FASTKD1: variants seen among roughly 807,000 people sequenced by gnomAD.
The protein encoded by FASTKD1 is FAST kinase domains 1.
A neutral mutation model predicts 90.9 loss-of-function variants in FASTKD1; 94 were observed. That is an observed-to-expected ratio of 1.03 (90% CI 0.88 to 1.23). The LOEUF is 1.23. Among genes scored for constraint, FASTKD1 ranks in the 50% most tolerant of loss-of-function variants. The pLI is 0.00. For synonymous variants in FASTKD1, 319 were observed against 345.8 expected, an observed-to-expected ratio of 0.92 and a Z score of 0.86; for missense variants, 945 against 993.5, an observed-to-expected ratio of 0.95 and a Z score of 0.66.
At chr2:169,534,443 TTC>T (rs1325550229) in intron 12 of FASTKD1, among the ~76,000 whole-genome samples, 1 of 150,108 alleles carries the variant, frequency 6.7e-6, no homozygotes, top group Non-Finnish European at 1.5e-5. Context: ...AAAAATAAAT[TTC>T]TGTTGTTTTT....
intron 1 of FASTKD1, among the ~76,000 whole-genome samples, chr2:169,572,706 G>A (rs937683043): frequency 2.6e-5 from 4 of 151,642 alleles, no homozygotes; most frequent in African/African-American, 7.3e-5. Context: ...AATCATTACT[G>A]GCCTTGGATA....
chr2:169,541,813 C>G (rs1684969978), intron 9 of FASTKD1, among the ~76,000 whole-genome samples: 1 of 152,078 alleles, frequency 6.6e-6, no homozygotes, highest in African/African-American at 2.4e-5. Flanking sequence ...CTGAGGAAAC[C>G]AGTCTCTGGC....
chr2:169,562,572 T>TTCATGATATAATAATAA (rs1683753107), intron 4 of FASTKD1, among the ~76,000 whole-genome samples: 1 of 152,130 alleles, frequency 6.6e-6, no homozygotes, highest in Non-Finnish European at 1.5e-5. Flanking sequence ...TTGGGTTTAC[T>TTCATGATATAATAATAA]TCATGATATA....
chr2:169,536,571 C>G (rs1253229337), intron 12 of FASTKD1, among the ~76,000 whole-genome samples: 1 of 152,104 alleles, frequency 6.6e-6, no homozygotes, highest in Non-Finnish European at 1.5e-5. Flanking sequence ...CCTGTATATG[C>G]AGAGGTTTTC....
At chr2:169,532,192 G>A (rs753667320) in intron 12 of FASTKD1, among the ~76,000 whole-genome samples, 19 of 152,152 alleles carry the variant, frequency 1.2e-4, no homozygotes, top group Non-Finnish European at 2.5e-4. Flanking sequence ...GGCCGAGGCA[G>A]GCAGATTGCT....
chr2:169,555,756 T>A (rs971054535), intron 6 of FASTKD1, among the ~76,000 whole-genome samples: 1 of 152,200 alleles, frequency 6.6e-6, no homozygotes, highest in Non-Finnish European at 1.5e-5. Flanking sequence ...AAATTAGGCA[T>A]GTACAATTAA....
chr2:169,529,954 A>T, intron 14 of FASTKD1, 28 bp from the exon 15 acceptor site: 1 of 1,492,814 alleles, frequency 6.7e-7, no homozygotes, highest in African/African-American at 1.4e-5. Flanking sequence ...TGTTTGAATG[A>T]AAGTTTTAAA....
chr2:169,570,560 A>G (rs1228516106), intron 2 of FASTKD1, among the ~76,000 whole-genome samples: 1 of 152,020 alleles, frequency 6.6e-6, no homozygotes, highest in East Asian at 1.9e-4. Context: ...GAAACAACCT[A>G]TTGTACCAAT....
chr2:169,538,343 G>A (rs1184765575), intron 10 of FASTKD1, among the ~76,000 whole-genome samples: 1 of 152,036 alleles, frequency 6.6e-6, no homozygotes, highest in African/African-American at 2.4e-5. Flanking sequence ...ACCAACTCCT[G>A]CACTGTTCTC....
intron 3 of FASTKD1, among the ~76,000 whole-genome samples, chr2:169,568,279 T>G (rs778930613): frequency 1.3e-5 from 2 of 152,108 alleles, no homozygotes; most frequent in African/African-American, 4.8e-5. Flanking sequence ...TCTTTTTTTC[T>G]CCTTTCCTGG....
In FASTKD1 at chr2:169,560,337, G is replaced by A. The variant is rs779349346; in HGVS notation, c.971+50C>T. 3 of 1,439,686 alleles carry A rather than the reference G, an allele frequency of 2.1e-6. No individual in the cohort carries two copies. The African/African-American group carries it at 4.3e-5, about 21-fold the overall frequency. 89.2% of individuals were successfully genotyped at this position (1,439,686 alleles called of 1,614,324 possible). A position where few individuals can be genotyped will look rare whatever the true frequency, so the allele number is the denominator to read the frequency against. ...GCTGCAAGGAGACCTAAGCTTGAAG[G>A]CTCCACGTATTCACAACAAAAAAAG... On this transcript the variant is annotated intron_variant, in intron 5 of 14. Transcript: ENST00000453153.
intron 4 of FASTKD1, 56 bp from the exon 5 acceptor site, chr2:169,560,841 T>C (rs75861637): frequency 2.2e-6 from 1 of 454,572 alleles, no homozygotes; most frequent in Non-Finnish European, 3.0e-6. Context: ...GATCAATTCT[T>C]TTTTTTTTTT....
rs138801643 is a variant in FASTKD1 at position 169,535,405 on chromosome 2, C to T, written c.2188+1822G>A. Among the ~76,000 whole-genome samples, 1,346 of 151,998 alleles carry T rather than the reference C, an allele frequency of 8.9e-3. 13 individuals carry two copies. Among genetic ancestry groups the T allele is most frequent in the Middle Eastern group, 0.041 (12 of 294 alleles). Reference sequence around the variant, plus strand: ...CCCAGGCTGGTCTCAAACTCCTGAGCAATGGGACTAGAGGGGCATACCACC... The same window carrying T: ...CCCAGGCTGGTCTCAAACTCCTGAGTAATGGGACTAGAGGGGCATACCACC... On this transcript the variant is annotated intron_variant, in intron 12 of 14. Transcript: ENST00000453153.
At chr2:169,531,585 G>A in intron 12 of FASTKD1, 95 bp from the exon 13 acceptor site, 1 of 923,144 alleles carries the variant, frequency 1.1e-6, no homozygotes, top group Non-Finnish European at 1.6e-6. Flanking sequence ...TATAATATTT[G>A]TACACACACA....
At position 169,562,048 on chromosome 2, in the gene FASTKD1, T is replaced by C. The variant is rs1169239305; in HGVS notation, c.572+1177A>G. The stretch of plus-strand genomic sequence containing the variant: ...AATTATTTATTAATTTATTGTAAAT[T>C]AATTATTTATTAATTTATTGTAAAA... On this transcript the variant is annotated intron_variant, in intron 4 of 14. Coordinates refer to ENST00000453153, the MANE Select transcript of FASTKD1 (RefSeq NM_024622.6). Among the ~76,000 whole-genome samples, 2 of 113,416 alleles carry C rather than the reference T, an allele frequency of 1.8e-5. 1 individual carries two copies. Among genetic ancestry groups the C allele is most frequent in the African/African-American group, 6.4e-5 (2 of 31,176 alleles). The allele number at this position is 113,416 out of a possible 152,430, so 74.4% of individuals were successfully genotyped here.
At chr2:169,538,934 T>C (rs536546410) in intron 10 of FASTKD1, among the ~76,000 whole-genome samples, 5 of 152,234 alleles carry the variant, frequency 3.3e-5, no homozygotes, top group African/African-American at 1.2e-4. Flanking sequence ...AAAGGCAGCA[T>C]ATAAAAGTGA....
chr2:169,529,851 A>G lies in FASTKD1; in HGVS notation c.2518T>C (p.Phe840Leu). Residue 840 changes from phenylalanine (F) to leucine (L), a missense_variant, in exon 15 of 15, where the codon TTT becomes CTT. Coordinates refer to ENST00000453153, the MANE Select transcript of FASTKD1 (RefSeq NM_024622.6). ...TACAAACATGACTTGACTTCTCCAA[A>G]TATACATTCTCTCAGGTAGTCCATC... ...ARMDYLRECI[F>L]GEVKSCL 6.2e-7 allele frequency: 1 copy of G among 1,612,720 alleles called. No individual in the cohort carries two copies. The highest frequency in any genetic ancestry group is 8.5e-7 in the Non-Finnish European group (1 of 1,179,228).
chr2:169,533,016 T>G (rs1441879340), intron 12 of FASTKD1, among the ~76,000 whole-genome samples: 1 of 152,084 alleles, frequency 6.6e-6, no homozygotes, highest in Non-Finnish European at 1.5e-5. Context: ...TTATCTAAAA[T>G]TTCCCATATC....
rs1291054211 is a variant in FASTKD1 at position 169,560,629 on chromosome 2, A to G, written c.729T>C (p.Tyr243=). The change falls in exon 5 of 15, where the codon TAT becomes TAC. Residue 243 remains tyrosine, a synonymous_variant. Transcript: ENST00000453153. ...ATCTTTCTAATAGTGGTTGATAACG[A>G]TATCTAACATTTCGAAGAAACTTTG... ...SIAKFLRNVR[Y]RYQPLLERCN... 4 of 1,612,842 alleles carry G rather than the reference A, an allele frequency of 2.5e-6. No individual in the cohort carries two copies. The African/African-American group carries it at 4.0e-5, about 16-fold the overall frequency.
Sources: gnomAD v4.1 joint callset for allele counts (sites outside exome capture counted in the v4.1 genomes callset) on GRCh38, gnomAD v4.1.1 for gene constraint, MANE v1.5 for transcripts, NCBI Gene and HGNC (gene_info 2026-07-23, HGNC 2026-07-21) for gene names.